Variants in TTC23 observed in about 807,000 individuals in gnomAD.
TTC23 encodes the protein tetratricopeptide repeat protein 23.
TTC23 carries 58 observed loss-of-function variants against 55.1 expected under a neutral mutation model. The ratio of observed to expected loss-of-function variants is 1.05; its 90% CI spans 0.85 to 1.31. The LOEUF (loss-of-function observed/expected upper bound fraction) is 1.31. Ranked by LOEUF, TTC23 falls within the 50% of genes most tolerant of loss-of-function variation. The probability of loss-of-function intolerance (pLI) is 0.00; values close to 1 mark genes in which losing one functional copy is unlikely to be tolerated. For missense variants in TTC23, 516 were observed against 534.4 expected (o/e 0.97, Z 0.34); for synonymous variants, 203 against 199.9 (o/e 1.02, Z -0.13).
At chr15:99,231,600 C>A (rs1041622388) in intron 4 of TTC23, among the ~76,000 whole-genome samples, 3 of 152,072 alleles carry the variant, frequency 2.0e-5, no homozygotes, top group Non-Finnish European at 2.9e-5. Context: ...TCACACCATT[C>A]TCCTGCCTCA....
intron 12 of TTC23, among the ~76,000 whole-genome samples, chr15:99,144,047 C>T (rs1025990566): frequency 2.0e-5 from 3 of 152,160 alleles, no homozygotes; most frequent in Non-Finnish European, 4.4e-5. Context: ...AAATTCCAGT[C>T]CAGCCTTCAA....
chr15:99,187,452 C>CAAAA (rs66568931), intron 9 of TTC23, among the ~76,000 whole-genome samples: 755 of 44,184 alleles, frequency 0.017, 55 homozygotes, highest in African/African-American at 0.052. Context: ...AAAGCACAAG[C>CAAAA]AAAAAAAAAA....
chr15:99,249,689 A>T (rs1442379475), upstream of TTC23: 1 of 152,192 alleles, frequency 6.6e-6, no homozygotes, highest in Non-Finnish European at 1.5e-5. Flanking sequence ...AGAGGTGGGA[A>T]TTTTAAAATG....
At chr15:99,208,208 C>G (rs1314911833) in intron 8 of TTC23, among the ~76,000 whole-genome samples, 1 of 151,834 alleles carries the variant, frequency 6.6e-6, no homozygotes, top group Non-Finnish European at 1.5e-5. Context: ...AAGGAAGTTA[C>G]AGAAGGAAAC....
chr15:99,169,913 A>G (rs1189555042), intron 10 of TTC23, among the ~76,000 whole-genome samples: 2 of 152,222 alleles, frequency 1.3e-5, no homozygotes, highest in African/African-American at 4.8e-5. Context: ...CCGGCCTGCA[A>G]GAGCCCAGGC....
At chr15:99,144,604 G>GAGAC in intron 12 of TTC23, 1 of 152,262 alleles carries the variant, frequency 6.6e-6, no homozygotes, top group Middle Eastern at 3.4e-3. Flanking sequence ...TTTATTCATG[G>GAGAC]AGACAGTGCA....
chr15:99,144,035 C>T (rs554191867), intron 12 of TTC23, among the ~76,000 whole-genome samples: 2 of 152,302 alleles, frequency 1.3e-5, no homozygotes, highest in East Asian at 3.9e-4. Flanking sequence ...GAAAAGCCCT[C>T]GAAATTCCAG....
At position 99,228,518 on chromosome 15, in the gene TTC23, C is replaced by T. The variant is rs1489995726; in HGVS notation, c.180+15G>A. On this transcript the variant is annotated intron_variant, in intron 5 of 13. Coordinates refer to ENST00000394132, the MANE Select transcript of TTC23 (RefSeq NM_001288615.3). The stretch of plus-strand genomic sequence containing the variant: ...AATTCTCAGAGTAGAAATACAGAAA[C>T]AAAAGTCTCCTTACCTCATGACTGT... 1.9e-6 allele frequency: 3 copies of T among 1,585,438 alleles called. No homozygotes were observed. The highest frequency in any genetic ancestry group is 2.6e-6 in the Non-Finnish European group (3 of 1,164,966).
At chr15:99,182,567 T>C (rs1029030888) in intron 9 of TTC23, among the ~76,000 whole-genome samples, 2 of 152,230 alleles carry the variant, frequency 1.3e-5, no homozygotes, top group Non-Finnish European at 2.9e-5. Context: ...GACTTTATGA[T>C]ATATTATCAC....
intron 9 of TTC23, among the ~76,000 whole-genome samples, chr15:99,190,189 GAAA>G (rs2075114425): frequency 6.7e-6 from 1 of 149,372 alleles, no homozygotes; most frequent in South Asian, 2.1e-4. Context: ...AAAAAAGAAA[GAAA>G]GAAAGAAAGA....
Position 99,156,173 on chromosome 15 carries a change from C to G in TTC23, c.1118G>C (p.Ser373Thr), listed in dbSNP as rs781658930. 1.2e-6 allele frequency: 2 copies of G among 1,614,204 alleles called. No individual in the cohort carries two copies. The highest frequency in any genetic ancestry group is 3.3e-5 in the Admixed American group (2 of 60,032). ...GGADLAQGNH[S>T]GARKKLKKCL... is the part of the protein sequence containing the mutation. Reference sequence around the variant, plus strand: ...CTTCTTCAGTTTCTTGCGGGCCCCACTGTGGTTCCCCTGCGCCAGGTCTGC... The same window carrying G: ...CTTCTTCAGTTTCTTGCGGGCCCCAGTGTGGTTCCCCTGCGCCAGGTCTGC... Residue 373 changes from serine to threonine, a missense_variant, in exon 12 of 14, where the codon AGT becomes ACT. Transcript: ENST00000394132.
chr15:99,183,374 T>A (rs560976484), intron 9 of TTC23, among the ~76,000 whole-genome samples: 25 of 150,634 alleles, frequency 1.7e-4, no homozygotes, highest in African/African-American at 5.1e-4. Context: ...CAGGCTGGAG[T>A]GCAGTGGTGC....
chr15:99,230,887 T>C (rs979662843), intron 4 of TTC23, among the ~76,000 whole-genome samples: 7 of 152,228 alleles, frequency 4.6e-5, no homozygotes, highest in Admixed American at 3.3e-4. Flanking sequence ...AATGGAACTC[T>C]AGTTCTACAA....
chr15:99,182,150 T>C (rs760880953), intron 9 of TTC23, among the ~76,000 whole-genome samples: 1 of 152,078 alleles, frequency 6.6e-6, no homozygotes, highest in Admixed American at 6.6e-5. Context: ...CCTTCCCCCT[T>C]CTACCTGCCT....
chr15:99,155,985 A>T, intron 12 of TTC23, 163 bp downstream of exon 12: 1 of 857,132 alleles, frequency 1.2e-6, no homozygotes, highest in Non-Finnish European at 1.8e-6. Flanking sequence ...TATGTCTTTT[A>T]CCCAAAAAGT....
At chr15:99,160,101 G>T (rs918400769) in intron 11 of TTC23, 2 of 152,234 alleles carry the variant, frequency 1.3e-5, no homozygotes, top group Non-Finnish European at 2.9e-5. Context: ...TCTCCCTGGG[G>T]TTGGGTGACT....
At chr15:99,205,779 C>CA (rs2152010092) in intron 8 of TTC23, among the ~76,000 whole-genome samples, 1 of 152,136 alleles carries the variant, frequency 6.6e-6, no homozygotes, top group East Asian at 1.9e-4. Context: ...TTCTTCCCTT[C>CA]TAATTTAGAT....
rs1018022833 is a variant in TTC23, at chr15:99,174,399, A to G, written c.865+651T>C. 1.3e-4 allele frequency among the ~76,000 whole-genome samples: 19 copies of G among 151,562 alleles called. No individual in the cohort carries two copies. In the East Asian group the frequency reaches 3.5e-3, roughly 28 times the overall value. ...TTCAGTATGTAATTATTTTTATCTG[A>G]TATCTTGGAATACACCCCTAGGTCT... On this transcript the variant is annotated intron_variant, in intron 10 of 13. Transcript: ENST00000394132.
intron 10 of TTC23, among the ~76,000 whole-genome samples, chr15:99,168,065 C>T (rs192863647): frequency 1.3e-5 from 2 of 152,316 alleles, no homozygotes; most frequent in Admixed American, 6.5e-5. Flanking sequence ...GGAAGAGACT[C>T]CTTCCTCACC....
Sources: allele counts gnomAD v4.1 joint callset (sites outside exome capture counted in the v4.1 genomes callset), GRCh38; gene constraint gnomAD v4.1.1; transcripts MANE v1.5; gene names NCBI Gene and HGNC (gene_info 2026-07-23, HGNC 2026-07-21).